Variants in TRIO observed in about 807,000 individuals in gnomAD.
TRIO encodes the protein triple functional domain protein.
Under a neutral mutation model 351.9 loss-of-function variants are expected in TRIO, and 58 were observed. The ratio of observed to expected loss-of-function variants is 0.16; its 90% CI spans 0.13 to 0.21. TRIO has a LOEUF of 0.21. Among genes scored for constraint, TRIO ranks in the 10% least tolerant of loss-of-function variants. TRIO has a pLI of 1.00. For missense variants in TRIO, 3,201 were observed against 4,027.8 expected, an observed-to-expected ratio of 0.79 and a Z score of 5.56; for synonymous variants, 1,758 against 1,595.7, an observed-to-expected ratio of 1.10 and a Z score of -2.42.
chr5:14,438,778 C>T (rs1751795195), intron 34 of TRIO, among the ~76,000 whole-genome samples: 1 of 152,268 alleles, frequency 6.6e-6, no homozygotes, highest in Non-Finnish European at 1.5e-5. Context: ...CTCACCTCCG[C>T]ATTTCCGCTG....
Position 14,495,658 on chromosome 5 carries a change from GAAAAAAAA to G in TRIO, c.7881-1200_7881-1193del, listed in dbSNP as rs56018324. Among the ~76,000 whole-genome samples, 13 of 32,596 alleles carry G rather than the reference GAAAAAAAA, an allele frequency of 4.0e-4. No individual in the cohort carries two copies. The East Asian group carries it at 6.9e-3, about 17-fold the overall frequency. The allele number at this position is 32,596 out of a possible 152,430, so 21.4% of individuals were successfully genotyped here. A position where few individuals can be genotyped will look rare whatever the true frequency, so the allele number is the denominator to read the frequency against. ...ACATAGTGAAACCCCGTCTCTACTAGAAAAAAAAAAAAAAAAAAAAAAAAAAAAGGCCA... is the reference window on the plus strand; with the variant it reads ...ACATAGTGAAACCCCGTCTCTACTAGAAAAAAAAAAAAAAAAAAAAGGCCA... On this transcript the variant is annotated intron_variant, in intron 49 of 56. Transcript: ENST00000344204.
At chr5:14,191,374 T>C (rs558476355) in intron 1 of TRIO, among the ~76,000 whole-genome samples, 1 of 152,172 alleles carries the variant, frequency 6.6e-6, no homozygotes, top group South Asian at 2.1e-4. Flanking sequence ...GGAGGATTGC[T>C]TGGGGTCAGG....
At chr5:14,463,702 A>C (rs1219200975) in intron 36 of TRIO, among the ~76,000 whole-genome samples, 1 of 151,252 alleles carries the variant, frequency 6.6e-6, no homozygotes, top group East Asian at 1.9e-4. Flanking sequence ...CAGTAACTAA[A>C]TTTTCTGAGT....
intron 1 of TRIO, among the ~76,000 whole-genome samples, chr5:14,217,199 CAACAG>C (rs1792279647): frequency 6.6e-6 from 1 of 152,210 alleles, no homozygotes; most frequent in African/African-American, 2.4e-5. Context: ...ATGAACAAAA[CAACAG>C]AACCTACAGT....
chr5:14,401,085 G>A, intron 31 of TRIO, 21 bp downstream of exon 31: 1 of 1,599,354 alleles, frequency 6.3e-7, no homozygotes, highest in Non-Finnish European at 8.6e-7. Flanking sequence ...TTGAAGCTGG[G>A]AATGTGCTGT....
intron 34 of TRIO, among the ~76,000 whole-genome samples, chr5:14,444,016 A>G (rs1360708635): frequency 6.6e-6 from 1 of 152,122 alleles, no homozygotes; most frequent in Admixed American, 6.5e-5. Context: ...ACTCTCCTTA[A>G]CACTGAACAG....
intron 47 of TRIO, among the ~76,000 whole-genome samples, chr5:14,486,029 G>A (rs947454413): frequency 2.0e-5 from 3 of 151,416 alleles, no homozygotes; most frequent in South Asian, 2.1e-4. Flanking sequence ...CCCTGCTTCC[G>A]TGACTTGAGG....
chr5:14,479,119 A>G, intron 41 of TRIO, 142 bp from the exon 42 acceptor site: 1 of 693,648 alleles, frequency 1.4e-6, no homozygotes, highest in Non-Finnish European at 2.5e-6. Context: ...CTGAATCTGG[A>G]ATTTACTCCC....
rs113435385 is a variant in TRIO at position 14,207,523 on chromosome 5, T to TACACACACACACACAC, written c.158-63283_158-63268dup. ...AGGTAGCATAGCAAGACTGTCTCTC[T>TACACACACACACACAC]ACACACACACACACACACACACACA... is the stretch of plus-strand genomic sequence containing the variant. On this transcript the variant is annotated intron_variant, in intron 1 of 56. Coordinates refer to ENST00000344204, the MANE Select transcript of TRIO (RefSeq NM_007118.4). 1.9e-4 allele frequency among the ~76,000 whole-genome samples: 10 copies of TACACACACACACACAC among 53,194 alleles called. 2 individuals carry two copies. The highest frequency in any genetic ancestry group is 6.2e-4 in the East Asian group (1 of 1,618). 34.9% of individuals were successfully genotyped at this position (53,194 alleles called of 152,430 possible). A position where few individuals can be genotyped will look rare whatever the true frequency, so the allele number is the denominator to read the frequency against.
chr5:14,336,563 C>T lies in TRIO; in HGVS notation c.1882C>T (p.Leu628=). The part of the protein sequence containing the change: ...QNTYTNADKL[L]EAAEQLAQTG... Reference sequence around the variant, plus strand: ...CACATACACCAATGCGGATAAATTACTGGAAGCAGCAGAACAGCTGGCTCA... The same window carrying T: ...CACATACACCAATGCGGATAAATTATTGGAAGCAGCAGAACAGCTGGCTCA... The change falls in exon 11 of 57, where the codon CTG becomes TTG. Residue 628 remains leucine, a synonymous_variant. Transcript: ENST00000344204. 2 of 1,614,168 alleles carry T rather than the reference C, an allele frequency of 1.2e-6. No homozygotes were observed. The highest frequency in any genetic ancestry group is 1.7e-6 in the Non-Finnish European group (2 of 1,180,046).
chr5:14,314,214 A>G (rs1272814556), intron 8 of TRIO, among the ~76,000 whole-genome samples: 1 of 152,232 alleles, frequency 6.6e-6, no homozygotes, highest in African/African-American at 2.4e-5. Flanking sequence ...CTGAACTAAA[A>G]TGCATACGTA....
At chr5:14,262,782 T>C (rs1176499130) in intron 1 of TRIO, among the ~76,000 whole-genome samples, 1 of 151,826 alleles carries the variant, frequency 6.6e-6, no homozygotes, top group Non-Finnish European at 1.5e-5. Flanking sequence ...GGTACTGTTC[T>C]GGGACCTACA....
At chr5:14,183,870 CAG>C (rs35336099) in intron 1 of TRIO, 567,350 of 680,656 alleles carry the variant, frequency 0.83, 239,024 homozygotes, top group East Asian at 0.99. Context: ...TAACCTTTGG[CAG>C]ATAGTGACTG....
At chr5:14,316,223 C>T (rs1312287011) in intron 8 of TRIO, among the ~76,000 whole-genome samples, 1 of 152,222 alleles carries the variant, frequency 6.6e-6, no homozygotes, top group Non-Finnish European at 1.5e-5. Context: ...GTGGTATCTA[C>T]TACAGTGTTT....
chr5:14,437,021 T>C (rs1179559678), intron 34 of TRIO, among the ~76,000 whole-genome samples: 1 of 152,254 alleles, frequency 6.6e-6, no homozygotes, highest in African/African-American at 2.4e-5. Flanking sequence ...CTTTACATCA[T>C]ACTGAAGTGT....
At chr5:14,282,360 A>C (rs1736077534) in intron 3 of TRIO, among the ~76,000 whole-genome samples, 1 of 152,252 alleles carries the variant, frequency 6.6e-6, no homozygotes, top group African/African-American at 2.4e-5. Flanking sequence ...ACTGCCAATC[A>C]AAATGATACT....
Position 14,205,413 on chromosome 5 carries a change from C to T in TRIO, c.157+61531C>T, listed in dbSNP as rs375067407. Among the ~76,000 whole-genome samples, 4 of 152,208 alleles carry T rather than the reference C, an allele frequency of 2.6e-5. No homozygotes were observed. The East Asian group carries it at 5.8e-4, about 22-fold the overall frequency. On this transcript the variant is annotated intron_variant, in intron 1 of 56. Coordinates refer to ENST00000344204, the MANE Select transcript of TRIO (RefSeq NM_007118.4). ...GAAACAGTGAACAGTAGTTCCTCAG[C>T]ATTTGAAGTAATGTTACAAGTCAAT...
At chr5:14,316,477 A>G (rs770785872) in intron 8 of TRIO, 36 bp from the exon 9 acceptor site, 2 of 1,609,196 alleles carry the variant, frequency 1.2e-6, no homozygotes, top group Admixed American at 3.3e-5. Flanking sequence ...GCCAAACCTC[A>G]GATCGTGAAG....
At chr5:14,350,746 G>T (rs1044967273) in intron 11 of TRIO, among the ~76,000 whole-genome samples, 1 of 152,064 alleles carries the variant, frequency 6.6e-6, no homozygotes, top group Non-Finnish European at 1.5e-5. Context: ...ACTTTGGTTT[G>T]CCCTCTGTTC....
Sources: gnomAD v4.1 joint callset for allele counts (sites outside exome capture counted in the v4.1 genomes callset) on GRCh38, gnomAD v4.1.1 for gene constraint, MANE v1.5 for transcripts, NCBI Gene and HGNC (gene_info 2026-07-23, HGNC 2026-07-21) for gene names.